MYO16: variants seen among roughly 807,000 people sequenced by gnomAD.
The protein encoded by MYO16 is unconventional myosin-XVI.
MYO16 carries 94 observed loss-of-function variants against 205.3 expected under a neutral mutation model. The observed-to-expected ratio is 0.46, with a 90% confidence interval of 0.39 to 0.54. The LOEUF (loss-of-function observed/expected upper bound fraction) is 0.54. Among genes scored for constraint, MYO16 ranks in the 20% least tolerant of loss-of-function variants. MYO16 has a pLI of 0.00. For missense variants in MYO16, 2,315 were observed against 2,387.5 expected, an observed-to-expected ratio of 0.97 and a Z score of 0.63; for synonymous variants, 988 against 954.0, an observed-to-expected ratio of 1.04 and a Z score of -0.66.
chr13:109,105,468 A>G lies in MYO16; in HGVS notation c.3438+4581A>G, dbSNP rs562924351. 1.8e-4 allele frequency among the ~76,000 whole-genome samples: 28 copies of G among 152,336 alleles called. 1 individual carries two copies. Among genetic ancestry groups the G allele is most frequent in the African/African-American group, 6.3e-4 (26 of 41,564 alleles). On this transcript the variant is annotated intron_variant, in intron 28 of 34. Coordinates refer to ENST00000457511, the MANE Select transcript of MYO16 (RefSeq NM_001198950.3). ...GCCTGGACAACAAGAGTGAAACTCCATCTCAAAACAAACAAACAAAAAACT... is the reference window on the plus strand; with the variant it reads ...GCCTGGACAACAAGAGTGAAACTCCGTCTCAAAACAAACAAACAAAAAACT...
intron 10 of MYO16, among the ~76,000 whole-genome samples, chr13:108,850,030 G>A (rs771003807): frequency 2.7e-5 from 4 of 147,936 alleles, no homozygotes; most frequent in Non-Finnish European, 5.9e-5. Flanking sequence ...TCCAAATCCT[G>A]TTGAATTTCC....
rs1449400065 is a variant in MYO16, at chr13:108,677,338, T to TATATATATATATGC, written c.292+11201_292+11202insGCATATATATATAT. Among the ~76,000 whole-genome samples, 1,208 of 86,720 alleles carry TATATATATATATGC rather than the reference T, an allele frequency of 0.014. 72 individuals carry two copies. The East Asian group carries it at 0.18, about 13-fold the overall frequency. 56.9% of individuals were successfully genotyped at this position (86,720 alleles called of 152,430 possible). A position where few individuals can be genotyped will look rare whatever the true frequency, so the allele number is the denominator to read the frequency against. On this transcript the variant is annotated intron_variant, in intron 2 of 34. Coordinates refer to ENST00000457511, the MANE Select transcript of MYO16 (RefSeq NM_001198950.3). The stretch of plus-strand genomic sequence containing the variant: ...ATGTGTGTGTGTGTGTGTGTGTGTA[T>TATATATATATATGC]ATATATATATATATATGCATATATA...
intron 1 of MYO16, among the ~76,000 whole-genome samples, chr13:108,645,650 CAT>C (rs1270710868): frequency 6.6e-6 from 1 of 152,170 alleles, no homozygotes; most frequent in Non-Finnish European, 1.5e-5. Flanking sequence ...GCTGAGGAAA[CAT>C]ACTGAGTTGC....
the MYO16 span, among the ~76,000 whole-genome samples, chr13:108,568,663 C>T: frequency 6.6e-6 from 1 of 151,954 alleles, no homozygotes; most frequent in African/African-American, 2.4e-5. Flanking sequence ...TTATCAACTC[C>T]ATGACAAAAG....
intron 1 of MYO16, among the ~76,000 whole-genome samples, chr13:108,642,568 C>A (rs374101127): frequency 6.6e-6 from 1 of 152,106 alleles, no homozygotes; most frequent in Non-Finnish European, 1.5e-5. Context: ...CAGGCATGCA[C>A]CACCACGCCC....
chr13:108,539,218 C>T, the MYO16 span, among the ~76,000 whole-genome samples: 12 of 152,174 alleles, frequency 7.9e-5, no homozygotes, highest in East Asian at 1.5e-3. Context: ...TCCTTTTTAA[C>T]GTTAATAATT....
intron 4 of MYO16, among the ~76,000 whole-genome samples, chr13:108,743,302 G>C (rs567408823): frequency 6.6e-6 from 1 of 152,130 alleles, no homozygotes; most frequent in African/African-American, 2.4e-5. Flanking sequence ...CTGTGTCCTG[G>C]AGTCATTCAC....
chr13:108,610,002 T>C (rs1191766284), intron 1 of MYO16, among the ~76,000 whole-genome samples: 2 of 151,998 alleles, frequency 1.3e-5, no homozygotes, highest in East Asian at 1.9e-4. Context: ...TCATAAAGTA[T>C]ATAAGAGAAA....
At chr13:108,921,933 A>G (rs140330228) in intron 16 of MYO16, among the ~76,000 whole-genome samples, 42 of 152,294 alleles carry the variant, frequency 2.8e-4, no homozygotes, top group African/African-American at 9.6e-4. Flanking sequence ...TATTGTCACT[A>G]TTAGTGTAGA....
chr13:108,881,498 G>A (rs1394932897), intron 12 of MYO16, among the ~76,000 whole-genome samples: 3 of 152,150 alleles, frequency 2.0e-5, no homozygotes, highest in Admixed American at 6.5e-5. Context: ...AAACTTCTCC[G>A]AGCTAAAGGA....
chr13:108,666,018 A>T lies in MYO16; in HGVS notation c.161A>T (p.Tyr54Phe). The T allele has an allele frequency of 1.2e-6, 2 of 1,614,118 alleles. No homozygotes were observed. The highest frequency in any genetic ancestry group is 1.7e-4 in the Middle Eastern group (1 of 6,060). The change falls in exon 2 of 35, where the codon TAT (tyrosine) becomes TTT (phenylalanine). Residue 54 changes from tyrosine (Y) to phenylalanine (F), a missense_variant. Tyr to Phe is a conservative substitution (Grantham distance 22). This residue lies in a region of MYO16 where 1,213 missense variants were observed against 1,274.4 expected (regional missense o/e 0.95). Coordinates refer to ENST00000457511, the MANE Select transcript of MYO16 (RefSeq NM_001198950.3). ...CGCTGTGAGCAAATCAAAGCCTACT[A>T]TGAGCGCGAGAAGGCTTTTCAGAAG... Reference protein sequence around the residue: ...RMRCEQIKAYYEREKAFQKQE... With the variant: ...RMRCEQIKAYFEREKAFQKQE...
intron 2 of MYO16, among the ~76,000 whole-genome samples, chr13:108,712,065 CA>C (rs1382200249): frequency 6.6e-6 from 1 of 152,140 alleles, no homozygotes; most frequent in Non-Finnish European, 1.5e-5. Context: ...CTTTGCTGTT[CA>C]AATGGAAATA....
the MYO16 span, among the ~76,000 whole-genome samples, chr13:108,567,491 G>C: frequency 6.6e-6 from 1 of 152,114 alleles, no homozygotes; most frequent in African/African-American, 2.4e-5. Flanking sequence ...AGGAAATGTG[G>C]GAGTGGAGAA....
chr13:108,774,384 G>A (rs993281666), intron 4 of MYO16, among the ~76,000 whole-genome samples: 5 of 152,204 alleles, frequency 3.3e-5, no homozygotes, highest in Admixed American at 3.3e-4. Context: ...GGACAAATTG[G>A]AAGTTAAGCA....
intron 20 of MYO16, among the ~76,000 whole-genome samples, chr13:108,971,339 T>A (rs975006629): frequency 2.3e-5 from 2 of 86,440 alleles, no homozygotes; most frequent in African/African-American, 8.3e-5. Context: ...AAATGGTGTG[T>A]GTGTGTTGAT....
chr13:109,076,993 AC>A (rs1888128980), intron 27 of MYO16, among the ~76,000 whole-genome samples: 1 of 105,930 alleles, frequency 9.4e-6, no homozygotes, highest in South Asian at 3.2e-4. Flanking sequence ...ATTTGTTTAC[AC>A]TTTTTTTTTT....
chr13:108,589,704 G>C, the MYO16 span, among the ~76,000 whole-genome samples: 1 of 151,496 alleles, frequency 6.6e-6, no homozygotes, highest in East Asian at 1.9e-4. Flanking sequence ...CTGTCTGTCT[G>C]TCTCTCTCTC....
chr13:108,597,613 ATT>A (rs1878608083), intron 1 of MYO16, among the ~76,000 whole-genome samples: 1 of 152,110 alleles, frequency 6.6e-6, no homozygotes, highest in African/African-American at 2.4e-5. Flanking sequence ...TATAGACAGT[ATT>A]TCTCAACTCA....
intron 20 of MYO16, among the ~76,000 whole-genome samples, chr13:108,983,766 G>A (rs1857680732): frequency 6.6e-6 from 1 of 152,098 alleles, no homozygotes; most frequent in Non-Finnish European, 1.5e-5. Flanking sequence ...AAGACTGAAG[G>A]GCATGGTGAG....
Sources: gnomAD v4.1 joint callset for allele counts (sites outside exome capture counted in the v4.1 genomes callset) on GRCh38, gnomAD v4.1.1 for gene constraint, gnomAD v4.1.1 regional missense constraint, MANE v1.5 for transcripts, NCBI Gene and HGNC (gene_info 2026-07-23, HGNC 2026-07-21) for gene names.